The following GPC6 variants were observed in gnomAD, a reference collection of about 807,000 sequenced individuals.
The protein encoded by GPC6 is glypican 6.
Under a neutral mutation model 55.2 loss-of-function variants are expected in GPC6, and 14 were observed. That is an observed-to-expected ratio of 0.25 (90% CI 0.17 to 0.40). The LOEUF (loss-of-function observed/expected upper bound fraction) is 0.40. Among genes scored for constraint, GPC6 ranks in the 10% least tolerant of loss-of-function variants. The pLI is 1.00. For missense variants in GPC6, 641 were observed against 708.5 expected (o/e 0.90, Z 1.08); for synonymous variants, 278 against 259.6 (o/e 1.07, Z -0.68).
intron 3 of GPC6, among the ~76,000 whole-genome samples, chr13:93,847,712 C>A (rs1888238207): frequency 6.6e-6 from 1 of 151,994 alleles, no homozygotes; most frequent in Non-Finnish European, 1.5e-5. Context: ...TTTAATAATT[C>A]CTATTAATTT....
chr13:93,256,691 A>T (rs117615083), intron 1 of GPC6, among the ~76,000 whole-genome samples: 25 of 152,290 alleles, frequency 1.6e-4, no homozygotes, highest in Non-Finnish European at 3.2e-4. Context: ...TGTTATGAAA[A>T]ATACTCTGTA....
At chr13:94,215,756 C>T (rs1378784249) in intron 4 of GPC6, among the ~76,000 whole-genome samples, 2 of 152,072 alleles carry the variant, frequency 1.3e-5, no homozygotes, top group African/African-American at 2.4e-5. Flanking sequence ...GGAAAAGCAT[C>T]CCCTTTTTGA....
intron 1 of GPC6, among the ~76,000 whole-genome samples, chr13:93,436,063 C>G (rs984356745): frequency 6.6e-6 from 1 of 152,088 alleles, no homozygotes. Flanking sequence ...AAGTAAATCC[C>G]CCTGTTTGAG....
At chr13:93,819,935 C>A (rs539889074) in intron 2 of GPC6, among the ~76,000 whole-genome samples, 1 of 152,290 alleles carries the variant, frequency 6.6e-6, no homozygotes, top group East Asian at 1.9e-4. Context: ...AATGTGGATT[C>A]AAGTCAGCAT....
intron 3 of GPC6, among the ~76,000 whole-genome samples, chr13:94,016,395 T>G (rs1566290954): frequency 6.6e-6 from 1 of 152,200 alleles, no homozygotes; most frequent in Non-Finnish European, 1.5e-5. Context: ...CAGTAACAAT[T>G]GAAGCATTGT....
chr13:93,392,915 A>G (rs1875684489), intron 1 of GPC6, among the ~76,000 whole-genome samples: 1 of 152,024 alleles, frequency 6.6e-6, no homozygotes, highest in Non-Finnish European at 1.5e-5. Flanking sequence ...AAACCCGTGT[A>G]TTTTAAGCAA....
At chr13:93,858,985 G>A (rs1888720189) in intron 3 of GPC6, among the ~76,000 whole-genome samples, 1 of 151,528 alleles carries the variant, frequency 6.6e-6, no homozygotes, top group Non-Finnish European at 1.5e-5. Flanking sequence ...ATGAGAATTT[G>A]TATTGTGCTA....
chr13:93,276,516 G>GTGTGTGTGTGTGTGTT (rs1877757028), intron 1 of GPC6, among the ~76,000 whole-genome samples: 2 of 149,812 alleles, frequency 1.3e-5, no homozygotes, highest in Non-Finnish European at 3.0e-5. Flanking sequence ...GTGTGTGTGT[G>GTGTGTGTGTGTGTGTT]TGTGTGTGTG....
At chr13:93,292,166 T>C (rs1878339473) in intron 1 of GPC6, among the ~76,000 whole-genome samples, 1 of 152,216 alleles carries the variant, frequency 6.6e-6, no homozygotes. Flanking sequence ...AATAGCTTTA[T>C]TGTATTTCAA....
intron 1 of GPC6, among the ~76,000 whole-genome samples, chr13:93,434,946 C>T (rs1877513050): frequency 6.6e-6 from 1 of 152,126 alleles, no homozygotes; most frequent in Non-Finnish European, 1.5e-5. Context: ...ACCTGGTGAT[C>T]CGCCTGCCTT....
At chr13:93,815,393 C>G (rs1214381549) in intron 2 of GPC6, among the ~76,000 whole-genome samples, 2 of 152,058 alleles carry the variant, frequency 1.3e-5, no homozygotes, top group African/African-American at 4.8e-5. Context: ...AAATATGTAA[C>G]TGTATCAAAG....
chr13:94,170,892 G>A (rs1888542284), intron 4 of GPC6, among the ~76,000 whole-genome samples: 1 of 152,200 alleles, frequency 6.6e-6, no homozygotes, highest in Non-Finnish European at 1.5e-5. Context: ...CTTTCTCTGG[G>A]ATTGTGTTGT....
At chr13:93,922,726 T>A (rs967443039) in intron 3 of GPC6, among the ~76,000 whole-genome samples, 19 of 152,240 alleles carry the variant, frequency 1.2e-4, no homozygotes, top group Non-Finnish European at 2.1e-4. Flanking sequence ...AATACAGCCA[T>A]GCTAACATAT....
chr13:94,008,743 A>T (rs1381709555), intron 3 of GPC6, among the ~76,000 whole-genome samples: 1 of 152,204 alleles, frequency 6.6e-6, no homozygotes, highest in Non-Finnish European at 1.5e-5. Flanking sequence ...TTAGTCTTAT[A>T]AACACTTTCA....
Position 93,371,631 on chromosome 13 carries a change from T to C in GPC6, c.160+144015T>C, listed in dbSNP as rs140590415. On this transcript the variant is annotated intron_variant, in intron 1 of 8. Transcript: ENST00000377047. ...CTTCTGTGCTCTCATGGAGCTTACA[T>C]TGTAGTGAGGAGTTCAGACAATGGA... Among the ~76,000 whole-genome samples, 166 of 152,148 alleles carry C rather than the reference T, an allele frequency of 1.1e-3. 2 individuals carry two copies. The highest frequency in any genetic ancestry group is 3.9e-3 in the African/African-American group (161 of 41,518).
intron 3 of GPC6, among the ~76,000 whole-genome samples, chr13:93,875,654 G>T (rs1889269608): frequency 6.6e-6 from 1 of 152,058 alleles, no homozygotes. Context: ...TAGCATGAAT[G>T]AGATAATATA....
At position 94,194,240 on chromosome 13, in the gene GPC6, T is replaced by A. The variant is rs1212751516; in HGVS notation, c.878-92109T>A. The stretch of plus-strand genomic sequence containing the variant: ...AAAAGTATAGGATATATAGTTAAAT[T>A]TGAATTTCAGATAAACTAGAAGTTT... On this transcript the variant is annotated intron_variant, in intron 4 of 8. Transcript: ENST00000377047. 2.6e-5 allele frequency among the ~76,000 whole-genome samples: 4 copies of A among 152,240 alleles called. No individual in the cohort carries two copies. The East Asian group carries it at 7.7e-4, about 29-fold the overall frequency.
intron 4 of GPC6, among the ~76,000 whole-genome samples, chr13:94,150,146 G>A (rs530808420): frequency 2.2e-4 from 34 of 152,130 alleles, no homozygotes; most frequent in African/African-American, 7.7e-4. Flanking sequence ...AGTATTAAAG[G>A]CGGATGCATC....
intron 3 of GPC6, among the ~76,000 whole-genome samples, chr13:93,986,371 A>C (rs976802454): frequency 2.0e-5 from 3 of 152,224 alleles, no homozygotes; most frequent in Non-Finnish European, 4.4e-5. Flanking sequence ...ATTAACAAAA[A>C]TTAAGGCTTG....
Sources: gnomAD v4.1 joint callset for allele counts (sites outside exome capture counted in the v4.1 genomes callset) on GRCh38, gnomAD v4.1.1 for gene constraint, MANE v1.5 for transcripts, NCBI Gene and HGNC (gene_info 2026-07-23, HGNC 2026-07-21) for gene names.